PEX5: variants seen among roughly 807,000 people sequenced by gnomAD.
PEX5 encodes the protein peroxisomal biogenesis factor 5, also known as PTS1 receptor.
PEX5 carries 52 observed loss-of-function variants against 82.9 expected under a neutral mutation model. That is an observed-to-expected ratio of 0.63 (90% CI 0.50 to 0.79). PEX5 has a LOEUF of 0.79. PEX5 is among the 30% of genes least tolerant of loss of function. PEX5 has a pLI of 0.00. For synonymous variants in PEX5, 300 were observed against 318.8 expected (o/e 0.94, Z 0.63); for missense variants, 719 against 815.2 (o/e 0.88, Z 1.44).
At chr12:7,191,400 T>G in intron 4 of PEX5, 42 bp downstream of exon 4, 2 of 1,613,668 alleles carry the variant, frequency 1.2e-6, no homozygotes, top group Non-Finnish European at 1.7e-6. Context: ...GTTTTCCATG[T>G]AGCCAGGGCC....
At chr12:7,190,664 G>A (rs1374329866) in intron 2 of PEX5, 140 bp downstream of exon 2, 13 of 1,535,140 alleles carry the variant, frequency 8.5e-6, no homozygotes, top group Non-Finnish European at 9.8e-6. Context: ...CTGAGGTGGA[G>A]GGGCTGTTTG....
intron 8 of PEX5, 64 bp from the exon 9 acceptor site, chr12:7,202,548 T>TA: frequency 4.8e-6 from 7 of 1,469,848 alleles, no homozygotes; most frequent in Non-Finnish European, 6.7e-6. Flanking sequence ...TAGTGGGTAT[T>TA]TAGTGTGCGT....
intron 5 of PEX5, among the ~76,000 whole-genome samples, chr12:7,197,392 T>TTATATATGTCATATACAATGTAA (rs1942860115): frequency 1.6e-5 from 1 of 63,224 alleles, no homozygotes; most frequent in African/African-American, 7.8e-5. Context: ...AATGTAATAA[T>TTATATATGTCATATACAATGTAA]TATATATATG....
intron 5 of PEX5, among the ~76,000 whole-genome samples, chr12:7,198,210 A>C (rs1943108020): frequency 6.6e-6 from 1 of 152,164 alleles, no homozygotes; most frequent in South Asian, 2.1e-4. Context: ...AGACTGAAAA[A>C]ACATAGCTAC....
intron 5 of PEX5, among the ~76,000 whole-genome samples, chr12:7,197,291 A>ATATATGTCATATGTAATAAT: frequency 7.5e-6 from 1 of 133,824 alleles, no homozygotes; most frequent in South Asian, 2.4e-4. Context: ...TGTAATAATT[A>ATATATGTCATATGTAATAAT]TATATGTCAT....
At chr12:7,202,034 A>T in intron 7 of PEX5, 193 bp downstream of exon 7, 1 of 802,248 alleles carries the variant, frequency 1.2e-6, no homozygotes, top group Non-Finnish European at 2.1e-6. Flanking sequence ...CTTGCCTACT[A>T]ACTCTTTTTT....
chr12:7,202,710 A>C lies in PEX5; in HGVS notation c.846+6A>C, dbSNP rs1944255295. 1 of 1,602,840 alleles carries C rather than the reference A, an allele frequency of 6.2e-7. No homozygotes were observed. Among genetic ancestry groups the C allele is most frequent in the Non-Finnish European group, 8.5e-7 (1 of 1,169,694 alleles). On this transcript the variant is annotated splice_donor_region_variant and intron_variant, in intron 9 of 15. Transcript: ENST00000675855. ...GAGCCAAGTCAGCTATAGAGGTGAG[A>C]GCAGATAGTGCAGGAGCAGACACCC...
intron 5 of PEX5, among the ~76,000 whole-genome samples, chr12:7,197,615 CTTTG>C (rs1203930316): frequency 3.0e-4 from 4 of 13,390 alleles, no homozygotes; most frequent in Non-Finnish European, 9.9e-4. Context: ...GAGTCTTGAT[CTTTG>C]TTTTTCACAT....
rs931591428 is a variant in PEX5 at position 7,209,072 on chromosome 12, C to G, written c.1462C>G (p.Pro488Ala). ...GCGGCTGGACCCTACCTCCATTGAC[C>G]CTGATGTGCAGTGTGGCTTGGGAGT... ...AVRLDPTSID[P>A]DVQCGLGVLF... Residue 488 changes from proline (P) to alanine (A), a missense_variant, in exon 14 of 16, where the codon CCT (proline) becomes GCT (alanine). Physicochemically the swap from Pro to Ala is conservative, Grantham distance 27. Transcript: ENST00000675855. 3.1e-6 allele frequency: 5 copies of G among 1,613,994 alleles called. No homozygotes were observed. Among genetic ancestry groups the G allele is most frequent in the African/African-American group, 1.3e-5 (1 of 74,992 alleles).
At chr12:7,211,991 G>A (rs1182178151), downstream of PEX5, among the ~76,000 whole-genome samples, 7 of 142,424 alleles carry the variant, frequency 4.9e-5, no homozygotes, top group Middle Eastern at 3.7e-3. Context: ...TTAAGGCAGT[G>A]TTTCACTCTT....
intron 6 of PEX5, among the ~76,000 whole-genome samples, chr12:7,200,063 C>T (rs1372742465): frequency 1.5e-5 from 2 of 132,144 alleles, no homozygotes; most frequent in Non-Finnish European, 3.4e-5. Flanking sequence ...GCTGGCCGGG[C>T]GGGGGGCTGA....
intron 6 of PEX5, among the ~76,000 whole-genome samples, chr12:7,199,349 C>A (rs549384943): frequency 2.0e-5 from 3 of 150,902 alleles, no homozygotes; most frequent in Admixed American, 6.6e-5. Flanking sequence ...GAGGACCCTG[C>A]GGCCTTCCGC....
rs921120861 is a variant in PEX5, at chr12:7,189,730, C to A, written c.-37C>A. On this transcript the variant is annotated 5_prime_UTR_variant, in exon 1 of 16. Transcript: ENST00000675855. ...GCCAGCACCTGGTGCCCCGGCGGGTCGTGCGGCGCGGCGCTCCGCGGTGAG... is the reference window on the plus strand; with the variant it reads ...GCCAGCACCTGGTGCCCCGGCGGGTAGTGCGGCGCGGCGCTCCGCGGTGAG... 1.0e-5 allele frequency: 4 copies of A among 391,530 alleles called. No homozygotes were observed. The highest frequency in any genetic ancestry group is 2.4e-4 in the South Asian group (2 of 8,174). The allele number at this position is 391,530 out of a possible 1,614,324, so 24.3% of individuals were successfully genotyped here.
chr12:7,189,918 G>A, intron 1 of PEX5, 168 bp downstream of exon 1: 17 of 1,443,822 alleles, frequency 1.2e-5, no homozygotes, highest in Non-Finnish European at 1.5e-5. Flanking sequence ...GGGCTCCGGT[G>A]ACTTAAGGGG....
At chr12:7,211,966 T>G (rs867354578), downstream of PEX5, among the ~76,000 whole-genome samples, 865 of 76,268 alleles carry the variant, frequency 0.011, 13 homozygotes, top group African/African-American at 0.036. Context: ...TTTTTTTTTT[T>G]TTGTTTTTTT....
At chr12:7,204,344 G>A (rs1004068861) in intron 10 of PEX5, among the ~76,000 whole-genome samples, 2 of 152,208 alleles carry the variant, frequency 1.3e-5, no homozygotes, top group Non-Finnish European at 2.9e-5. Context: ...TGGAACCAGG[G>A]CCTGAGATGC....
At chr12:7,193,725 T>G (rs1462044869) in intron 5 of PEX5, among the ~76,000 whole-genome samples, 2 of 152,186 alleles carry the variant, frequency 1.3e-5, no homozygotes, top group Admixed American at 1.3e-4. Context: ...CTATGAGCGT[T>G]GAGATGGATG....
At chr12:7,206,702 T>C (rs1420153283) in intron 10 of PEX5, among the ~76,000 whole-genome samples, 1 of 128,522 alleles carries the variant, frequency 7.8e-6, no homozygotes, top group East Asian at 2.1e-4. Context: ...TTTGATTCTT[T>C]ATCATTTTCA....
rs779806201 is a variant in PEX5 at position 7,209,040 on chromosome 12, C to A, written c.1430C>A (p.Ala477Glu). ...LFLEVKELFL[A>E]AVRLDPTSID... ...CTTGAAGTGAAAGAGCTCTTCCTGG[C>A]AGCTGTGCGGCTGGACCCTACCTCC... Residue 477 changes from alanine to glutamate, a missense_variant, in exon 14 of 16, where the codon GCA becomes GAA. Transcript: ENST00000675855. 6.2e-7 allele frequency: 1 copy of A among 1,614,150 alleles called. No homozygotes were observed. The highest frequency in any genetic ancestry group is 2.2e-5 in the East Asian group (1 of 44,884).
Sources: allele counts gnomAD v4.1 joint callset (sites outside exome capture counted in the v4.1 genomes callset), GRCh38; gene constraint gnomAD v4.1.1; transcripts MANE v1.5; gene names NCBI Gene and HGNC (gene_info 2026-07-23, HGNC 2026-07-21).